The following PLG variants were observed in gnomAD, a reference collection of about 807,000 sequenced individuals.
PLG encodes plasminogen.
A neutral mutation model predicts 104.4 loss-of-function variants in PLG; 41 were observed. The ratio of observed to expected loss-of-function variants is 0.39; its 90% CI spans 0.31 to 0.51. PLG has a LOEUF of 0.51. PLG is among the 20% of genes least tolerant of loss of function. The probability of loss-of-function intolerance (pLI) is 0.76; values close to 1 mark genes in which losing one functional copy is unlikely to be tolerated. For missense variants in PLG, 891 were observed against 1,003.6 expected (o/e 0.89, Z 1.52); for synonymous variants, 337 against 357.1 (o/e 0.94, Z 0.63).
chr6:160,728,626 G>A (rs1263750968), intron 10 of PLG, among the ~76,000 whole-genome samples: 2 of 152,058 alleles, frequency 1.3e-5, no homozygotes, highest in Non-Finnish European at 2.9e-5. Context: ...TTCTAGGTAG[G>A]TGACAAGGAA....
intron 17 of PLG, among the ~76,000 whole-genome samples, chr6:160,742,915 C>T (rs181876036): frequency 6.6e-6 from 1 of 152,018 alleles, no homozygotes; most frequent in African/African-American, 2.4e-5. Flanking sequence ...GTTATTTTCC[C>T]ATTGCTTGTT....
chr6:160,738,897 C>T lies in PLG; in HGVS notation c.1878-171C>T, dbSNP rs1285249125. Among the ~76,000 whole-genome samples, 11 of 152,144 alleles carry T rather than the reference C, an allele frequency of 7.2e-5. No homozygotes were observed. Among genetic ancestry groups the T allele is most frequent in the Admixed American group, 7.2e-4 (11 of 15,284 alleles). On this transcript the variant is annotated intron_variant, in intron 15 of 18. Coordinates refer to ENST00000308192, the MANE Select transcript of PLG (RefSeq NM_000301.5). The surrounding 1 kb of genome is among the most constrained non-coding windows in gnomAD (Gnocchi z 6.8). ...AGTCTCTGCCCAAACAGCCCAAGAACATTCCTTAACTGCCTGTTTCAAGCA... is the reference window on the plus strand; with the variant it reads ...AGTCTCTGCCCAAACAGCCCAAGAATATTCCTTAACTGCCTGTTTCAAGCA...
chr6:160,732,288 G>A lies in PLG; in HGVS notation c.1587+395G>A, dbSNP rs1414270676. Among the ~76,000 whole-genome samples, 1 of 152,158 alleles carries A rather than the reference G, an allele frequency of 6.6e-6. No individual in the cohort carries two copies. Among genetic ancestry groups the A allele is most frequent in the African/African-American group, 2.4e-5 (1 of 41,424 alleles). ...TTTGGATGGGCCATCAGGTCACCAT[G>A]GGACTTCCCTTAGCCTCATGCATTC... On this transcript the variant is annotated intron_variant, in intron 12 of 18. Transcript: ENST00000308192. This position sits in a 1 kb window ranked among gnomAD's most constrained non-coding sequence, Gnocchi z 4.5.
At chr6:160,720,657 C>T (rs544260262) in intron 9 of PLG, among the ~76,000 whole-genome samples, 40 of 152,116 alleles carry the variant, frequency 2.6e-4, no homozygotes, top group African/African-American at 1.7e-4. Flanking sequence ...TGACCTCAGA[C>T]GGTCCATCAC....
chr6:160,729,714 C>T (rs566685179), intron 10 of PLG, among the ~76,000 whole-genome samples: 22 of 152,188 alleles, frequency 1.4e-4, no homozygotes, highest in African/African-American at 5.1e-4. Context: ...ATAGTATTTC[C>T]CTCTGGCAGT....
intron 17 of PLG, among the ~76,000 whole-genome samples, chr6:160,751,484 T>C (rs1778398945): frequency 1.3e-5 from 2 of 152,252 alleles, no homozygotes; most frequent in African/African-American, 2.4e-5. Flanking sequence ...TGATGACTAT[T>C]CTTTTTTATT....
At chr6:160,749,620 C>T (rs538206179) in intron 17 of PLG, among the ~76,000 whole-genome samples, 188 of 150,506 alleles carry the variant, frequency 1.2e-3, no homozygotes, top group African/African-American at 4.6e-3. Context: ...ACCATTATCA[C>T]CACCACCATC....
intron 1 of PLG, among the ~76,000 whole-genome samples, chr6:160,704,426 C>A (rs985232990): frequency 3.3e-5 from 5 of 152,174 alleles, no homozygotes; most frequent in Admixed American, 6.5e-5. Flanking sequence ...GTAGCCTGCT[C>A]TGCTATACTT....
intron 17 of PLG, among the ~76,000 whole-genome samples, chr6:160,746,460 T>G (rs1174046685): frequency 6.6e-6 from 1 of 152,238 alleles, no homozygotes; most frequent in Non-Finnish European, 1.5e-5. Context: ...TACAGTTTGT[T>G]TCTCAGCTCT....
intron 1 of PLG, among the ~76,000 whole-genome samples, chr6:160,703,963 T>A (rs1167885342): frequency 1.3e-5 from 2 of 152,234 alleles, no homozygotes; most frequent in African/African-American, 4.8e-5. Flanking sequence ...ACAGCCATGC[T>A]TAGTGGGAAG....
At chr6:160,743,141 GCTC>G (rs2115183089) in intron 17 of PLG, among the ~76,000 whole-genome samples, 1 of 151,956 alleles carries the variant, frequency 6.6e-6, no homozygotes, top group African/African-American at 2.4e-5. Context: ...GGCTATTCTG[GCTC>G]CTTTTTGGTT....
chr6:160,752,285 G>A lies in PLG; in HGVS notation c.2271+25G>A. On this transcript the variant is annotated intron_variant, in intron 18 of 18. Coordinates refer to ENST00000308192, the MANE Select transcript of PLG (RefSeq NM_000301.5). This position sits in a 1 kb window ranked among gnomAD's most constrained non-coding sequence, Gnocchi z 4.7. ...GGTAAGCAAAGATCAAGAGACCAAA[G>A]TTAGTCTTGTGCTCTCTTGTCTCAG... 6.2e-7 allele frequency: 1 copy of A among 1,606,358 alleles called. No individual in the cohort carries two copies. The highest frequency in any genetic ancestry group is 8.5e-7 in the Non-Finnish European group (1 of 1,172,982).
At chr6:160,733,887 C>T in intron 12 of PLG, 108 bp from the exon 13 acceptor site, 1 of 498,596 alleles carries the variant, frequency 2.0e-6, no homozygotes, top group East Asian at 3.8e-5. Context: ...GAAAAAGAAA[C>T]ACTCCTTTAT....
chr6:160,748,696 A>G (rs1405751777), intron 17 of PLG, among the ~76,000 whole-genome samples: 1 of 152,212 alleles, frequency 6.6e-6, no homozygotes, highest in Non-Finnish European at 1.5e-5. Flanking sequence ...GATTAAGCAA[A>G]AAAGAGAAAT....
At chr6:160,703,679 A>C (rs1777466544) in intron 1 of PLG, among the ~76,000 whole-genome samples, 1 of 152,240 alleles carries the variant, frequency 6.6e-6, no homozygotes, top group Non-Finnish European at 1.5e-5. Flanking sequence ...GAGCAGGAGA[A>C]AATTAAAGAA....
rs73598720 is a variant in PLG, at chr6:160,721,988, T to C, written c.1097-420T>C. On this transcript the variant is annotated intron_variant, in intron 9 of 18. Coordinates refer to ENST00000308192, the MANE Select transcript of PLG (RefSeq NM_000301.5). The stretch of plus-strand genomic sequence containing the variant: ...CTGCCCTATCACCCAGAAGCTTTGG[T>C]CTTTGGCTTTGTTTGAGGAAGGAGC... Among the ~76,000 whole-genome samples the C allele has an allele frequency of 2.7e-3, 415 of 152,236 alleles. 3 individuals carry two copies. Among genetic ancestry groups the C allele is most frequent in the African/African-American group, 9.4e-3 (391 of 41,540 alleles).
intron 10 of PLG, 57 bp from the exon 11 acceptor site, chr6:160,730,994 G>T: frequency 6.5e-7 from 1 of 1,532,432 alleles, no homozygotes; most frequent in Non-Finnish European, 9.0e-7. Flanking sequence ...AGAGGGTGCT[G>T]GGTGCCCCTG....
intron 1 of PLG, chr6:160,705,505 T>C (rs1237253958): frequency 2.0e-5 from 3 of 152,192 alleles, no homozygotes; most frequent in Non-Finnish European, 2.9e-5. Context: ...TTCTCCCCAA[T>C]TAGTAGTGTT....
At chr6:160,751,458 G>T (rs1778398455) in intron 17 of PLG, among the ~76,000 whole-genome samples, 1 of 152,206 alleles carries the variant, frequency 6.6e-6, no homozygotes, top group Admixed American at 6.5e-5. Flanking sequence ...GTCTGGAAAG[G>T]TTAATTCTTG....
Sources: allele counts gnomAD v4.1 joint callset (sites outside exome capture counted in the v4.1 genomes callset), GRCh38; gene constraint gnomAD v4.1.1; non-coding constraint Gnocchi (gnomAD v3.1); transcripts MANE v1.5; gene names NCBI Gene and HGNC (gene_info 2026-07-23, HGNC 2026-07-21).